The following ADAMTS2 variants were observed in gnomAD, a reference collection of about 807,000 sequenced individuals.
ADAMTS2 encodes A disintegrin and metalloproteinase with thrombospondin motifs 2.
Under a neutral mutation model 123.0 loss-of-function variants are expected in ADAMTS2, and 50 were observed. That is an observed-to-expected ratio of 0.41 (90% CI 0.32 to 0.51). The LOEUF (loss-of-function observed/expected upper bound fraction) is 0.51, where lower values mean the gene tolerates loss of function less well. ADAMTS2 is among the 20% of genes least tolerant of loss of function. The pLI is 0.35. For missense variants in ADAMTS2, 1,494 were observed against 1,705.2 expected (o/e 0.88, Z 2.18); for synonymous variants, 678 against 695.4 (o/e 0.98, Z 0.39).
Position 179,312,901 on chromosome 5 carries a change from A to C in ADAMTS2, c.534+30866T>G, listed in dbSNP as rs1756871517. ...TAATGTTTCAAACCAGCAAGCTTGT[A>C]GTAATTTGCAGGCAGCCTCAGAAAC... On this transcript the variant is annotated intron_variant, in intron 2 of 21. Transcript: ENST00000251582. The surrounding 1 kb of genome is among the most constrained non-coding windows in gnomAD (Gnocchi z 4.2). 6.6e-6 allele frequency among the ~76,000 whole-genome samples: 1 copy of C among 152,254 alleles called. No individual in the cohort carries two copies. The highest frequency in any genetic ancestry group is 2.4e-5 in the African/African-American group (1 of 41,466).
intron 4 of ADAMTS2, among the ~76,000 whole-genome samples, chr5:179,182,382 G>A (rs1259151407): frequency 1.3e-5 from 2 of 152,158 alleles, no homozygotes; most frequent in African/African-American, 4.8e-5. Flanking sequence ...CCCGGAGCCT[G>A]CTGCCACGTC....
intron 5 of ADAMTS2, among the ~76,000 whole-genome samples, chr5:179,174,559 T>C (rs1763892324): frequency 6.6e-6 from 1 of 152,270 alleles, no homozygotes; most frequent in South Asian, 2.1e-4. Flanking sequence ...TTCCTATTTA[T>C]TAAATTTATG....
rs375556579 is a variant in ADAMTS2 at position 179,154,816 on chromosome 5, G to A, written c.1236C>T (p.His412=). 26 of 1,609,476 alleles carry A rather than the reference G, an allele frequency of 1.6e-5. No homozygotes were observed. The highest frequency in any genetic ancestry group is 4.5e-5 in the East Asian group (2 of 44,740). The change falls in exon 7 of 22, where the codon CAC becomes CAT. Residue 412 remains histidine (H), a splice_region_variant and synonymous_variant. Coordinates refer to ENST00000251582, the MANE Select transcript of ADAMTS2 (RefSeq NM_014244.5). ...SAFVVAHETG[H]VLGMEHDGQG... ...CCACCCTTCCCCAGGCCACTTACAC[G>A]TGGCCAGTCTCATGGGCCACCACAA...
intron 4 of ADAMTS2, among the ~76,000 whole-genome samples, chr5:179,196,277 T>C (rs1293456509): frequency 1.3e-5 from 2 of 152,176 alleles, no homozygotes; most frequent in African/African-American, 2.4e-5. Flanking sequence ...TAGAACATAC[T>C]GTACAGAGAA....
At chr5:179,254,604 G>A (rs1467072987) in intron 3 of ADAMTS2, among the ~76,000 whole-genome samples, 4 of 151,144 alleles carry the variant, frequency 2.6e-5, no homozygotes, top group Non-Finnish European at 2.9e-5. Flanking sequence ...GGGTGAAGTC[G>A]GGGGGGCGTG....
chr5:179,320,070 G>T (rs1757116929), intron 2 of ADAMTS2, among the ~76,000 whole-genome samples: 1 of 152,208 alleles, frequency 6.6e-6, no homozygotes. Flanking sequence ...TGCAGAGCCA[G>T]CCGACTCCCA....
chr5:179,320,883 G>A lies in ADAMTS2; in HGVS notation c.534+22884C>T, dbSNP rs188472852. Reference sequence around the variant, plus strand: ...CCTGTGAGGAGGTAATGCAGCAGCTGCCTGCATCCATTTTTCTGCCTCAGA... The same window carrying A: ...CCTGTGAGGAGGTAATGCAGCAGCTACCTGCATCCATTTTTCTGCCTCAGA... On this transcript the variant is annotated intron_variant, in intron 2 of 21. Coordinates refer to ENST00000251582, the MANE Select transcript of ADAMTS2 (RefSeq NM_014244.5). Among the ~76,000 whole-genome samples the A allele has an allele frequency of 1.3e-4, 20 of 152,310 alleles. No homozygotes were observed. The East Asian group carries it at 3.1e-3, about 23-fold the overall frequency.
At chr5:179,144,014 G>T (rs1212970840) in intron 10 of ADAMTS2, among the ~76,000 whole-genome samples, 1 of 152,004 alleles carries the variant, frequency 6.6e-6, no homozygotes, top group African/African-American at 2.4e-5. Flanking sequence ...CAGACAAAAT[G>T]ATCTTCTGTA....
Position 179,127,956 on chromosome 5 carries a change from C to T in ADAMTS2, c.2617+3G>A. On this transcript the variant is annotated splice_donor_region_variant and intron_variant, in intron 17 of 21. Coordinates refer to ENST00000251582, the MANE Select transcript of ADAMTS2 (RefSeq NM_014244.5). ...CAGGTCCCCAGCTTCGAGACCCCCTCACCTCCGCCACAGGGCTTGGAGCAC... is the reference window on the plus strand; with the variant it reads ...CAGGTCCCCAGCTTCGAGACCCCCTTACCTCCGCCACAGGGCTTGGAGCAC... 1.2e-6 allele frequency: 2 copies of T among 1,613,696 alleles called. No homozygotes were observed. Among genetic ancestry groups the T allele is most frequent in the Non-Finnish European group, 1.7e-6 (2 of 1,180,034 alleles).
intron 2 of ADAMTS2, among the ~76,000 whole-genome samples, chr5:179,295,530 T>C (rs568629755): frequency 5.3e-5 from 8 of 152,314 alleles, no homozygotes; most frequent in Non-Finnish European, 1.2e-4. Flanking sequence ...ACATGCCCTG[T>C]AGCCCGACCA....
Position 179,239,032 on chromosome 5 carries a change from T to A in ADAMTS2, c.689-31317A>T, listed in dbSNP as rs1371428640. Among the ~76,000 whole-genome samples, 137 of 152,218 alleles carry A rather than the reference T, an allele frequency of 9.0e-4. 1 individual carries two copies. Among genetic ancestry groups the A allele is most frequent in the South Asian group, 6.2e-4 (3 of 4,818 alleles). On this transcript the variant is annotated intron_variant, in intron 3 of 21. Coordinates refer to ENST00000251582, the MANE Select transcript of ADAMTS2 (RefSeq NM_014244.5). ...GTGGGGTCTTTGGGGAGGGAGAAGA[T>A]GTTGTGAATATAATAAAAACCATTG...
intron 3 of ADAMTS2, among the ~76,000 whole-genome samples, chr5:179,208,379 G>A (rs1476898840): frequency 1.3e-5 from 2 of 151,986 alleles, no homozygotes; most frequent in Non-Finnish European, 2.9e-5. Context: ...CAGGTCCCGG[G>A]CCCCCTCCCC....
At chr5:179,269,256 A>G (rs538514135) in intron 3 of ADAMTS2, among the ~76,000 whole-genome samples, 1 of 152,320 alleles carries the variant, frequency 6.6e-6, no homozygotes, top group South Asian at 2.1e-4. Flanking sequence ...TGGCTCAGTG[A>G]GATTCATTTC....
intron 4 of ADAMTS2, among the ~76,000 whole-genome samples, chr5:179,192,414 C>T (rs1319359411): frequency 1.3e-5 from 2 of 152,220 alleles, no homozygotes. Flanking sequence ...ACGGCTTTGC[C>T]CTTCTGTGCA....
chr5:179,274,545 C>T (rs373361496), intron 2 of ADAMTS2, among the ~76,000 whole-genome samples: 1 of 152,266 alleles, frequency 6.6e-6, no homozygotes, highest in Non-Finnish European at 1.5e-5. Flanking sequence ...CACACCCCCC[C>T]CAAAGTAACC....
At chr5:179,290,342 A>G (rs1324271040) in intron 2 of ADAMTS2, among the ~76,000 whole-genome samples, 1 of 152,218 alleles carries the variant, frequency 6.6e-6, no homozygotes, top group East Asian at 1.9e-4. Flanking sequence ...GTTATGACAC[A>G]GCACAAAAAG....
chr5:179,177,376 C>T (rs4701077), intron 5 of ADAMTS2, among the ~76,000 whole-genome samples: 57,998 of 152,076 alleles, frequency 0.38, 11,931 homozygotes, highest in East Asian at 0.77. Flanking sequence ...TTTGTCCTGA[C>T]GGGCTACCTT....
chr5:179,276,519 A>T (rs28692855), intron 2 of ADAMTS2, among the ~76,000 whole-genome samples: 10 of 152,124 alleles, frequency 6.6e-5, no homozygotes, highest in African/African-American at 1.4e-4. Context: ...TACATGAGGC[A>T]GGTCATTTCC....
In ADAMTS2 at chr5:179,180,788, AC is replaced by A. The variant is rs1456878146; in HGVS notation, c.975+283del. ...ACCCAATTCCCTCTGCCTCCTGACC[AC>A]CCCTGGTGCCTCCCTGTGTGGCCCC... On this transcript the variant is annotated intron_variant, in intron 5 of 21. Transcript: ENST00000251582. The surrounding 1 kb of genome is among the most constrained non-coding windows in gnomAD (Gnocchi z 4.6). 2.0e-5 allele frequency among the ~76,000 whole-genome samples: 3 copies of A among 151,838 alleles called. No individual in the cohort carries two copies. The highest frequency in any genetic ancestry group is 4.4e-5 in the Non-Finnish European group (3 of 67,936).
Sources: allele counts gnomAD v4.1 joint callset (sites outside exome capture counted in the v4.1 genomes callset), GRCh38; gene constraint gnomAD v4.1.1; non-coding constraint Gnocchi (gnomAD v3.1); transcripts MANE v1.5; gene names NCBI Gene and HGNC (gene_info 2026-07-23, HGNC 2026-07-21).